The following KCNQ1OT1 variants were observed in gnomAD, a reference collection of about 807,000 sequenced individuals.
KCNQ1OT1 encodes the protein KCNQ1 antisense RNA 2 (non-protein coding).
exon 1 of KCNQ1OT1, chr11:2,650,531 T>G (rs1849741097): frequency 2.5e-6 from 1 of 398,686 alleles, no homozygotes; most frequent in Non-Finnish European, 4.4e-6. Context: ...ACATCAGTGG[T>G]ATCTGCAAGT....
At chr11:2,684,278 T>G (rs530498851) in exon 1 of KCNQ1OT1, 30 of 398,572 alleles carry the variant, frequency 7.5e-5, no homozygotes, top group African/African-American at 6.2e-4. Flanking sequence ...GGGAGTTGGT[T>G]AGGCTGGAGC....
chr11:2,660,041 T>C (rs931302769), exon 1 of KCNQ1OT1: 1 of 398,358 alleles, frequency 2.5e-6, no homozygotes, highest in Admixed American at 4.4e-5. Context: ...GCTTTTAATT[T>C]TGATAAAGTC....
At chr11:2,632,757 G>A in exon 1 of KCNQ1OT1, 2 of 398,318 alleles carry the variant, frequency 5.0e-6, no homozygotes, top group Non-Finnish European at 8.9e-6. Context: ...AGGACTTAAT[G>A]CTTTATTATG....
chr11:2,609,502 TG>T, exon 1 of KCNQ1OT1: 1 of 398,388 alleles, frequency 2.5e-6, no homozygotes. Context: ...CAATGTTGGT[TG>T]TTGGGCGAAG....
At chr11:2,665,285 A>G (rs1850046101) in exon 1 of KCNQ1OT1, 1 of 398,492 alleles carries the variant, frequency 2.5e-6, no homozygotes. Context: ...TCTCCCACCC[A>G]GAACCATATG....
exon 1 of KCNQ1OT1, chr11:2,628,891 C>T: frequency 2.5e-6 from 1 of 398,308 alleles, no homozygotes; most frequent in Admixed American, 4.4e-5. Flanking sequence ...CCATTGTGTA[C>T]TCTTGGTGTC....
In KCNQ1OT1 at chr11:2,658,332, GTTTA is replaced by G. The variant is rs1464104164; in HGVS notation, n.41659_41662del. On this transcript the variant is annotated non_coding_transcript_exon_variant, in exon 1 of 1. Coordinates refer to ENST00000597346, the Ensembl canonical transcript of KCNQ1OT1. This position sits in a 1 kb window ranked among gnomAD's most constrained non-coding sequence, Gnocchi z 4.9. ...GAAGATTTGTCCCTCTCCTCCAATT[GTTTA>G]TTTAATTTTATCAGTGTGGATTTGG... 9 of 398,170 alleles carry G rather than the reference GTTTA, an allele frequency of 2.3e-5. No individual in the cohort carries two copies. Among genetic ancestry groups the G allele is most frequent in the Non-Finnish European group, 4.0e-5 (9 of 225,986 alleles). 24.7% of individuals were successfully genotyped at this position (398,170 alleles called of 1,614,324 possible).
chr11:2,680,496 T>A (rs1850377638), exon 1 of KCNQ1OT1: 1 of 398,490 alleles, frequency 2.5e-6, no homozygotes, highest in African/African-American at 2.1e-5. Context: ...GGGCATTTTT[T>A]AAAATAAATT....
exon 1 of KCNQ1OT1, chr11:2,640,203 C>CACCCACTGTCCTGT (rs1242841203): frequency 7.6e-6 from 3 of 392,480 alleles, no homozygotes; most frequent in Non-Finnish European, 1.3e-5. Flanking sequence ...CAGTGGGCTG[C>CACCCACTGTCCTGT]ACCCACTGTC....
chr11:2,672,075 C>A, exon 1 of KCNQ1OT1: 1 of 398,716 alleles, frequency 2.5e-6, no homozygotes, highest in South Asian at 1.3e-4. Context: ...GGTCCCTGGT[C>A]TGGACTGAGC....
exon 1 of KCNQ1OT1, chr11:2,625,578 CTTT>C (rs35148119): frequency 2.5e-3 from 853 of 335,866 alleles, no homozygotes; most frequent in Non-Finnish European, 2.9e-3. Context: ...GTCCTTTGCC[CTTT>C]TTTTTTTTTT....
rs902195459 is a variant in KCNQ1OT1 at position 2,676,831 on chromosome 11, T to C, written n.23164A>G. ...GTGCTGGGATCTACCACAGGGGTCA[T>C]GTTGTAATGACACCTGTCAGCTTTG... On this transcript the variant is annotated non_coding_transcript_exon_variant, in exon 1 of 1. Coordinates refer to ENST00000597346, the Ensembl canonical transcript of KCNQ1OT1. This position sits in a 1 kb window ranked among gnomAD's most constrained non-coding sequence, Gnocchi z 4.2. 5.0e-6 allele frequency: 2 copies of C among 398,502 alleles called. No homozygotes were observed. The highest frequency in any genetic ancestry group is 4.4e-5 in the Admixed American group (1 of 22,714). The allele number at this position is 398,502 out of a possible 1,614,324, so 24.7% of individuals were successfully genotyped here. A position where few individuals can be genotyped will look rare whatever the true frequency, so the allele number is the denominator to read the frequency against.
At position 2,690,995 on chromosome 11, in the gene KCNQ1OT1, A is replaced by C. The variant is rs751953800; in HGVS notation, n.9000T>G. On this transcript the variant is annotated non_coding_transcript_exon_variant, in exon 1 of 1. Coordinates refer to ENST00000597346, the Ensembl canonical transcript of KCNQ1OT1. The surrounding 1 kb of genome is among the most constrained non-coding windows in gnomAD (Gnocchi z 5.1). ...ACAAAAGCCCACCAGACCATCAATG[A>C]AGTGGGCAAAAGCTCTGGGTGAACT... 1 of 398,536 alleles carries C rather than the reference A, an allele frequency of 2.5e-6. No individual in the cohort carries two copies. The highest frequency in any genetic ancestry group is 4.4e-6 in the Non-Finnish European group (1 of 226,074). The allele number at this position is 398,536 out of a possible 1,614,324, so 24.7% of individuals were successfully genotyped here. A position where few individuals can be genotyped will look rare whatever the true frequency, so the allele number is the denominator to read the frequency against.
chr11:2,667,497 C>T (rs1451186927), exon 1 of KCNQ1OT1: 2 of 398,242 alleles, frequency 5.0e-6, no homozygotes, highest in Non-Finnish European at 8.8e-6. Flanking sequence ...AACATTCACG[C>T]CACAGAGGTG....
At chr11:2,649,128 G>A (rs185490370) in exon 1 of KCNQ1OT1, 1 of 397,504 alleles carries the variant, frequency 2.5e-6, no homozygotes, top group African/African-American at 2.1e-5. Flanking sequence ...GTTTCTTATA[G>A]GCAGCATGTA....
exon 1 of KCNQ1OT1, chr11:2,625,046 G>A (rs977037141): frequency 2.5e-6 from 1 of 398,462 alleles, no homozygotes; most frequent in Admixed American, 4.4e-5. Flanking sequence ...TACAATCGTG[G>A]GTATACAAAT....
At chr11:2,675,693 C>T (rs898843747) in exon 1 of KCNQ1OT1, 35 of 398,558 alleles carry the variant, frequency 8.8e-5, no homozygotes, top group South Asian at 2.5e-4. Flanking sequence ...CTCTGCCTTT[C>T]CCTGTCAAAA....
exon 1 of KCNQ1OT1, chr11:2,646,531 A>G (rs1849668788): frequency 2.5e-6 from 1 of 398,262 alleles, no homozygotes; most frequent in Non-Finnish European, 4.4e-6. Flanking sequence ...TTTTTGGGGG[A>G]GGCAGGGGAG....
exon 1 of KCNQ1OT1, chr11:2,685,470 C>T (rs534338375): frequency 2.5e-6 from 1 of 398,832 alleles, no homozygotes; most frequent in South Asian, 1.3e-4. Flanking sequence ...AGTGCAACTC[C>T]CATCTCACAG....
Sources: gnomAD v4.1 joint callset for allele counts on GRCh38, gnomAD v4.1.1 for gene constraint, Gnocchi (gnomAD v3.1) non-coding constraint, MANE v1.5 for transcripts, NCBI Gene and HGNC (gene_info 2026-07-23, HGNC 2026-07-21) for gene names.